The following DOK6 variants were observed in gnomAD, a reference collection of about 807,000 sequenced individuals.
DOK6 encodes downstream of tyrosine kinase 6.
Under a neutral mutation model 44.0 loss-of-function variants are expected in DOK6, and 22 were observed. That is an observed-to-expected ratio of 0.50 (90% CI 0.36 to 0.71). DOK6 has a LOEUF of 0.71. DOK6 is among the 30% of genes least tolerant of loss of function. DOK6 has a pLI of 0.00. For missense variants in DOK6, 340 were observed against 416.4 expected, an observed-to-expected ratio of 0.82 and a Z score of 1.60; for synonymous variants, 166 against 145.5, an observed-to-expected ratio of 1.14 and a Z score of -1.01.
At chr18:69,561,946 T>A (rs760080513) in intron 1 of DOK6, among the ~76,000 whole-genome samples, 1 of 152,192 alleles carries the variant, frequency 6.6e-6, no homozygotes, top group African/African-American at 2.4e-5. Flanking sequence ...AACTTTGCAA[T>A]TTAAATGAAG....
Position 69,740,011 on chromosome 18 carries a change from A to G in DOK6, c.738+908A>G, listed in dbSNP as rs191845497. 3.2e-3 allele frequency among the ~76,000 whole-genome samples: 485 copies of G among 152,334 alleles called. 2 individuals carry two copies. Among genetic ancestry groups the G allele is most frequent in the African/African-American group, 0.011 (459 of 41,576 alleles). ...AAGAAAGAGAACAGAAGTAGCTTAA[A>G]TGATCATATTTTACTCTTAATGCAC... On this transcript the variant is annotated intron_variant, in intron 6 of 7. Coordinates refer to ENST00000382713, the MANE Select transcript of DOK6 (RefSeq NM_152721.6).
At chr18:69,621,681 G>C (rs1452423204) in intron 3 of DOK6, among the ~76,000 whole-genome samples, 1 of 152,144 alleles carries the variant, frequency 6.6e-6, no homozygotes, top group Non-Finnish European at 1.5e-5. Context: ...TGCTGAAACA[G>C]ACACTCAATG....
chr18:69,525,006 T>C (rs1981791014), intron 1 of DOK6, among the ~76,000 whole-genome samples: 1 of 151,838 alleles, frequency 6.6e-6, no homozygotes, highest in Non-Finnish European at 1.5e-5. Context: ...TTTTGTCTTG[T>C]ATTAGTATAT....
At chr18:69,415,352 T>C (rs1307786445) in intron 1 of DOK6, among the ~76,000 whole-genome samples, 1 of 145,470 alleles carries the variant, frequency 6.9e-6, no homozygotes, top group Non-Finnish European at 1.6e-5. Context: ...ATCATTTTTT[T>C]GTAAGTCTTA....
chr18:69,568,015 A>T (rs1983026456), intron 2 of DOK6, among the ~76,000 whole-genome samples: 1 of 152,060 alleles, frequency 6.6e-6, no homozygotes, highest in Non-Finnish European at 1.5e-5. Context: ...TCTCAGCCCA[A>T]GCTGGTTTCT....
chr18:69,579,669 T>C (rs1983318895), intron 2 of DOK6, among the ~76,000 whole-genome samples: 1 of 152,126 alleles, frequency 6.6e-6, no homozygotes, highest in East Asian at 1.9e-4. Context: ...GTTCAAATGA[T>C]TCTCCTGCCT....
chr18:69,422,469 C>CT (rs1034310833), intron 1 of DOK6, among the ~76,000 whole-genome samples: 3 of 152,212 alleles, frequency 2.0e-5, no homozygotes, highest in Non-Finnish European at 4.4e-5. Flanking sequence ...ACCAGCTACT[C>CT]TATCATGTAG....
intron 1 of DOK6, among the ~76,000 whole-genome samples, chr18:69,460,552 G>A (rs6420524): frequency 0.8 from 120,968 of 152,112 alleles, 48,358 homozygotes; most frequent in East Asian, 1. Context: ...TAATGTTTCC[G>A]TATCTATATA....
chr18:69,599,499 G>A lies in DOK6; in HGVS notation c.289+1G>A. Reference sequence around the variant, plus strand: ...TCGAAGACATTTGCCTGTGAGTCAGGTAAGCTATTATTGGCCATCTACCCC... The same window carrying A: ...TCGAAGACATTTGCCTGTGAGTCAGATAAGCTATTATTGGCCATCTACCCC... On this transcript the variant is annotated splice_donor_variant, in intron 3 of 7. Transcript: ENST00000382713. LOFTEE classifies it high-confidence loss of function. 1 of 1,612,844 alleles carries A rather than the reference G, an allele frequency of 6.2e-7. No homozygotes were observed. The highest frequency in any genetic ancestry group is 8.5e-7 in the Non-Finnish European group (1 of 1,179,330).
At chr18:69,617,715 G>GA (rs1053360701) in intron 3 of DOK6, among the ~76,000 whole-genome samples, 1 of 89,200 alleles carries the variant, frequency 1.1e-5, no homozygotes, top group African/African-American at 3.3e-5. Context: ...AGAAAAGAAA[G>GA]AAAGAAAGAA....
chr18:69,623,123 G>A (rs571691765), intron 3 of DOK6, among the ~76,000 whole-genome samples: 90 of 152,174 alleles, frequency 5.9e-4, no homozygotes, highest in Non-Finnish European at 1.1e-3. Context: ...AAGTGTGTAG[G>A]CCTTACCCCT....
chr18:69,634,663 T>C (rs1984762475), intron 3 of DOK6, among the ~76,000 whole-genome samples: 1 of 152,168 alleles, frequency 6.6e-6, no homozygotes, highest in Non-Finnish European at 1.5e-5. Flanking sequence ...ACTCTTTGCT[T>C]GGACTTAGAG....
intron 1 of DOK6, among the ~76,000 whole-genome samples, chr18:69,408,656 C>T (rs529457333): frequency 6.6e-6 from 1 of 152,078 alleles, no homozygotes; most frequent in Non-Finnish European, 1.5e-5. Flanking sequence ...AAAAACTGTA[C>T]AGATTAATGG....
At chr18:69,828,294 G>T (rs1226807098) in intron 7 of DOK6, among the ~76,000 whole-genome samples, 2 of 151,648 alleles carry the variant, frequency 1.3e-5, no homozygotes, top group South Asian at 4.2e-4. Flanking sequence ...TTTATATAAT[G>T]TTTTCACTTA....
intron 7 of DOK6, among the ~76,000 whole-genome samples, chr18:69,787,139 C>T (rs1980455157): frequency 6.6e-6 from 1 of 152,126 alleles, no homozygotes; most frequent in African/African-American, 2.4e-5. Context: ...TCGCTTGAAC[C>T]TGGGAGGCAG....
intron 3 of DOK6, among the ~76,000 whole-genome samples, chr18:69,651,677 C>T (rs920907258): frequency 6.6e-6 from 1 of 151,710 alleles, no homozygotes; most frequent in Admixed American, 6.6e-5. Context: ...TGAGTAAAGA[C>T]GGGGTTTCAC....
chr18:69,717,310 A>T (rs992875441), intron 5 of DOK6, among the ~76,000 whole-genome samples: 1 of 152,190 alleles, frequency 6.6e-6, no homozygotes, highest in Non-Finnish European at 1.5e-5. Context: ...AAGCCTATTT[A>T]TATTTCTCAG....
chr18:69,616,852 A>G (rs1984296723), intron 3 of DOK6, among the ~76,000 whole-genome samples: 1 of 152,238 alleles, frequency 6.6e-6, no homozygotes, highest in South Asian at 2.1e-4. Flanking sequence ...GTAGCAAAAA[A>G]AATGGTTTGA....
In DOK6 at chr18:69,744,575, C is replaced by T. The variant is rs145786533; in HGVS notation, c.738+5472C>T. 1.8e-4 allele frequency among the ~76,000 whole-genome samples: 28 copies of T among 152,170 alleles called. No homozygotes were observed. In the East Asian group the frequency reaches 5.4e-3, roughly 29 times the overall value. ...TCTGTGATCCCAATTAATCAATTCA[C>T]TTACTGTTGTTCAGTTTCAGAACAC... is the stretch of plus-strand genomic sequence containing the variant. On this transcript the variant is annotated intron_variant, in intron 6 of 7. Transcript: ENST00000382713.
Sources: allele counts gnomAD v4.1 joint callset (sites outside exome capture counted in the v4.1 genomes callset), GRCh38; gene constraint gnomAD v4.1.1; transcripts MANE v1.5; gene names NCBI Gene and HGNC (gene_info 2026-07-23, HGNC 2026-07-21).